RASEF: variants seen among roughly 807,000 people sequenced by gnomAD.
RASEF encodes the protein ras and EF-hand domain-containing protein.
Under a neutral mutation model 90.1 loss-of-function variants are expected in RASEF, and 68 were observed. That is an observed-to-expected ratio of 0.75 (90% CI 0.62 to 0.92). The LOEUF (loss-of-function observed/expected upper bound fraction) is 0.92, where lower values mean the gene tolerates loss of function less well. Ranked by LOEUF, RASEF falls within the 40% of genes least tolerant of loss-of-function variation. The pLI is 0.00. For missense variants in RASEF, 949 were observed against 937.2 expected, an observed-to-expected ratio of 1.01 and a Z score of -0.16; for synonymous variants, 331 against 345.2, an observed-to-expected ratio of 0.96 and a Z score of 0.46.
the RASEF span, among the ~76,000 whole-genome samples, chr9:83,139,338 A>T: frequency 6.6e-6 from 1 of 152,188 alleles, no homozygotes; most frequent in Non-Finnish European, 1.5e-5. Context: ...CCCTGGTCCC[A>T]GCATAGTCAC....
the RASEF span, among the ~76,000 whole-genome samples, chr9:83,099,332 G>GAA: frequency 2.6e-5 from 4 of 152,110 alleles, no homozygotes; most frequent in Non-Finnish European, 5.9e-5. Context: ...AGAACTTATT[G>GAA]AAAAGCTTGG....
chr9:83,156,525 C>T, the RASEF span, among the ~76,000 whole-genome samples: 2 of 152,172 alleles, frequency 1.3e-5, no homozygotes, highest in Non-Finnish European at 2.9e-5. Context: ...TGGCCCCATC[C>T]AATCTTATGA....
At chr9:83,131,764 T>C in the RASEF span, among the ~76,000 whole-genome samples, 1 of 152,190 alleles carries the variant, frequency 6.6e-6, no homozygotes, top group African/African-American at 2.4e-5. Flanking sequence ...ATGGGTATAC[T>C]CTAAGCTATA....
chr9:82,981,335 G>C lies in RASEF; in HGVS notation c.*1342C>G, dbSNP rs1828596512. 6.6e-6 allele frequency: 1 copy of C among 152,174 alleles called. No homozygotes were observed. Among genetic ancestry groups the C allele is most frequent in the Admixed American group, 6.5e-5 (1 of 15,276 alleles). The allele number at this position is 152,174 out of a possible 1,614,324, so 9.4% of individuals were successfully genotyped here. On this transcript the variant is annotated 3_prime_UTR_variant, in exon 17 of 17. Coordinates refer to ENST00000376447, the MANE Select transcript of RASEF (RefSeq NM_152573.4). ...TAGGCCCAACCAGGTCACTGGTGAT[G>C]ATGAGCCACTAGTCACATTAAACAA... is the stretch of plus-strand genomic sequence containing the variant.
At chr9:83,137,452 C>T in the RASEF span, among the ~76,000 whole-genome samples, 8 of 152,054 alleles carry the variant, frequency 5.3e-5, no homozygotes, top group Non-Finnish European at 1.0e-4. Context: ...AAAAGTTAAT[C>T]TTGAAAAACA....
the RASEF span, among the ~76,000 whole-genome samples, chr9:83,176,044 T>C: frequency 2.6e-5 from 4 of 152,268 alleles, no homozygotes; most frequent in Non-Finnish European, 5.9e-5. Context: ...TATTGTTCAA[T>C]TATTCCATTT....
In RASEF at chr9:82,982,762, T is replaced by C; in HGVS notation, c.2138A>G (p.Asp713Gly). 6.2e-7 allele frequency: 1 copy of C among 1,602,004 alleles called. No individual in the cohort carries two copies. Among genetic ancestry groups the C allele is most frequent in the Non-Finnish European group, 8.6e-7 (1 of 1,169,378 alleles). The change falls in exon 17 of 17, where the codon GAC becomes GGC. Residue 713 changes from aspartate to glycine, a missense_variant. Around this residue, in one of 3 missense-constraint regions of RASEF, gnomAD observed 288 missense variants for 328.4 expected, o/e 0.88. Transcript: ENST00000376447. The stretch of plus-strand genomic sequence containing the variant: ...GGTAATGGATCTGCTGTCATCCTTG[T>C]CAGTTCTCTTTTTCACTTCTCTGAG... ...HLAREVKKRT[D>G]KDDSRSITNL...
At chr9:83,106,454 C>T in the RASEF span, among the ~76,000 whole-genome samples, 12 of 152,132 alleles carry the variant, frequency 7.9e-5, no homozygotes, top group Middle Eastern at 3.2e-3. Context: ...CTTTCCTTTT[C>T]CCTCAGTCAC....
the RASEF span, among the ~76,000 whole-genome samples, chr9:83,119,953 C>T: frequency 6.6e-6 from 1 of 152,144 alleles, no homozygotes; most frequent in Admixed American, 6.5e-5. Context: ...TTCTTATGGA[C>T]CCTGTGGACA....
the RASEF span, among the ~76,000 whole-genome samples, chr9:83,092,003 C>CTTTTTT: frequency 4.7e-4 from 17 of 35,886 alleles, no homozygotes; most frequent in African/African-American, 9.3e-4. Context: ...TCTTTTATTT[C>CTTTTTT]TTTTTTTTTT....
At chr9:83,205,002 T>A in the RASEF span, among the ~76,000 whole-genome samples, 1 of 152,222 alleles carries the variant, frequency 6.6e-6, no homozygotes, top group African/African-American at 2.4e-5. Flanking sequence ...TCAAAGAGAT[T>A]AAGAAACTCA....
intron 1 of RASEF, among the ~76,000 whole-genome samples, chr9:83,028,315 T>C (rs962698867): frequency 2.0e-5 from 3 of 152,232 alleles, no homozygotes; most frequent in Non-Finnish European, 4.4e-5. Context: ...TTCTGTCTCC[T>C]GCCCCTGACA....
chr9:83,185,323 T>G, the RASEF span, among the ~76,000 whole-genome samples: 1 of 151,404 alleles, frequency 6.6e-6, no homozygotes, highest in Non-Finnish European at 1.5e-5. Context: ...AAAGGGCCCC[T>G]GTGCTTTCTT....
intron 14 of RASEF, among the ~76,000 whole-genome samples, chr9:82,993,521 A>G (rs1000314435): frequency 6.6e-6 from 1 of 152,256 alleles, no homozygotes; most frequent in African/African-American, 2.4e-5. Flanking sequence ...AGCCAAGTTC[A>G]TTATTACAGT....
At position 83,001,023 on chromosome 9, in the gene RASEF, T is replaced by C; in HGVS notation, c.1310A>G (p.Asp437Gly). ...ATCTCTCAAGGTAGACAAGCCGCTG[T>C]CGAAGCAGCTTTCAGGCAGGCTGTC... ...EVDSLPESCF[D>G]SGLSTLRDPN... Residue 437 changes from aspartate (D) to glycine (G), a missense_variant, in exon 10 of 17, where the codon GAC becomes GGC. By Grantham distance (94) the Asp-to-Gly change is moderately conservative (BLOSUM62 -1). Around this residue, in one of 3 missense-constraint regions of RASEF, gnomAD observed 656 missense variants for 592.2 expected, o/e 1.11. Coordinates refer to ENST00000376447, the MANE Select transcript of RASEF (RefSeq NM_152573.4). 6.2e-7 allele frequency: 1 copy of C among 1,614,148 alleles called. No homozygotes were observed. Among genetic ancestry groups the C allele is most frequent in the Non-Finnish European group, 8.5e-7 (1 of 1,179,992 alleles).
At chr9:83,055,964 G>T (rs1344220966) in intron 1 of RASEF, among the ~76,000 whole-genome samples, 1 of 152,146 alleles carries the variant, frequency 6.6e-6, no homozygotes, top group Non-Finnish European at 1.5e-5. Context: ...AAACTCCTGA[G>T]TATTTAAGAA....
At chr9:83,208,307 C>G in the RASEF span, among the ~76,000 whole-genome samples, 4 of 152,186 alleles carry the variant, frequency 2.6e-5, no homozygotes, top group East Asian at 7.7e-4. Flanking sequence ...GTGTGCTACC[C>G]CTTGTGGGAG....
chr9:83,106,149 G>C, the RASEF span, among the ~76,000 whole-genome samples: 2 of 152,128 alleles, frequency 1.3e-5, no homozygotes, highest in Admixed American at 6.5e-5. Context: ...CCTTGGGCTA[G>C]CTCTCCGGAA....
At chr9:83,062,302 G>A in intron 1 of RASEF, 135 bp downstream of exon 1, 3 of 815,228 alleles carry the variant, frequency 3.7e-6, no homozygotes, top group Non-Finnish European at 3.9e-6. Flanking sequence ...GTCAAAGCGA[G>A]TAGGTGAAGG....
Sources: gnomAD v4.1 joint callset for allele counts (sites outside exome capture counted in the v4.1 genomes callset) on GRCh38, gnomAD v4.1.1 for gene constraint, gnomAD v4.1.1 regional missense constraint, MANE v1.5 for transcripts, NCBI Gene and HGNC (gene_info 2026-07-23, HGNC 2026-07-21) for gene names.